Variants in MMP14 observed in about 807,000 individuals in gnomAD.
The protein encoded by MMP14 is matrix metalloproteinase-14.
In MMP14, 13 loss-of-function variants were observed where a neutral mutation model predicts 64.8. The observed-to-expected ratio is 0.20, with a 90% CI of 0.13 to 0.32. MMP14 has a LOEUF of 0.32. Ranked by LOEUF, MMP14 falls within the 10% of genes least tolerant of loss-of-function variation. The pLI, the probability that MMP14 is intolerant of heterozygous loss-of-function variation, is 1.00. For missense variants in MMP14, 594 were observed against 783.8 expected (o/e 0.76, Z 2.89); for synonymous variants, 322 against 315.9 (o/e 1.02, Z -0.20).
intron 2 of MMP14, 117 bp from the exon 3 acceptor site, chr14:22,841,796 T>C: frequency 1.3e-6 from 2 of 1,563,332 alleles, no homozygotes; most frequent in South Asian, 1.2e-5. Flanking sequence ...CCTGACCTCA[T>C]AACCTTGGCC....
In MMP14 at chr14:22,842,232, G is replaced by A. The variant is rs2138740420; in HGVS notation, c.381-178G>A. 1 of 996,898 alleles carries A rather than the reference G, an allele frequency of 1.0e-6. No homozygotes were observed. Among genetic ancestry groups the A allele is most frequent in the Non-Finnish European group, 1.5e-6 (1 of 683,406 alleles). 61.8% of individuals were successfully genotyped at this position (996,898 alleles called of 1,614,324 possible). On this transcript the variant is annotated intron_variant, in intron 3 of 9. Transcript: ENST00000311852. The surrounding 1 kb of genome is among the most constrained non-coding windows in gnomAD (Gnocchi z 5.3). ...GGTGCACCCCAGTGCCAGAGAGCCA[G>A]AGCCTGAGGATCCCTTGTTCTTGAG...
chr14:22,843,757 A>T lies in MMP14; in HGVS notation c.898A>T (p.Thr300Ser). 1 of 1,610,708 alleles carries T rather than the reference A, an allele frequency of 6.2e-7. No homozygotes were observed. Among genetic ancestry groups the T allele is most frequent in the Non-Finnish European group, 8.5e-7 (1 of 1,179,232 alleles). The change falls in exon 6 of 10, where the codon ACC (threonine) becomes TCC (serine). Residue 300 changes from threonine to serine, a missense_variant. Thr to Ser is a moderately conservative substitution (Grantham distance 58). This residue lies in a region of MMP14 where 364 missense variants were observed against 425.2 expected (regional missense o/e 0.86). Transcript: ENST00000311852. This position sits in a 1 kb window ranked among gnomAD's most constrained non-coding sequence, Gnocchi z 4.8. ...PTKMPPQPRT[T>S]SRPSVPDKPK... ...CAAGATGCCCCCTCAACCCAGGACT[A>T]CCTCCCGGCCTTCTGTTCCTGATAA...
intron 1 of MMP14, among the ~76,000 whole-genome samples, chr14:22,839,592 C>T (rs2039758685): frequency 6.6e-6 from 1 of 152,156 alleles, no homozygotes; most frequent in Non-Finnish European, 1.5e-5. Flanking sequence ...CTCGCATCAG[C>T]CTTGGGGGGG....
chr14:22,837,278 C>T, intron 1 of MMP14: 1 of 497,506 alleles, frequency 2.0e-6, no homozygotes, highest in Non-Finnish European at 3.9e-6. Context: ...CATTTGGACT[C>T]CGCTCAAACC....
At chr14:22,841,365 A>G in intron 1 of MMP14, 126 bp from the exon 2 acceptor site, 1 of 1,246,722 alleles carries the variant, frequency 8.0e-7, no homozygotes, top group Admixed American at 2.1e-5. Flanking sequence ...CTGCTGCCGG[A>G]GCCAAGCTGG....
chr14:22,837,387 C>T (rs756552302), intron 1 of MMP14: 1 of 456,186 alleles, frequency 2.2e-6, no homozygotes, highest in Admixed American at 2.3e-5. Context: ...CCGATGGGCG[C>T]TTCGGCCTCC....
Position 22,843,203 on chromosome 14 carries a change from G to A in MMP14, c.689-54G>A, listed in dbSNP as rs1253835272. Reference sequence around the variant, plus strand: ...ACCAAAGCTGCTGGTGGGGAAGCAGGGAGGCTGAGGGAAGGGACTCAGGCT... The same window carrying A: ...ACCAAAGCTGCTGGTGGGGAAGCAGAGAGGCTGAGGGAAGGGACTCAGGCT... On this transcript the variant is annotated intron_variant, in intron 4 of 9. Coordinates refer to ENST00000311852, the MANE Select transcript of MMP14 (RefSeq NM_004995.4). This position sits in a 1 kb window ranked among gnomAD's most constrained non-coding sequence, Gnocchi z 4.8. 7 of 1,561,396 alleles carry A rather than the reference G, an allele frequency of 4.5e-6. No homozygotes were observed. The highest frequency in any genetic ancestry group is 4.1e-5 in the African/African-American group (3 of 73,612).
At chr14:22,839,383 A>C (rs1436433361) in intron 1 of MMP14, among the ~76,000 whole-genome samples, 1 of 152,236 alleles carries the variant, frequency 6.6e-6, no homozygotes, top group Non-Finnish European at 1.5e-5. Flanking sequence ...AGGTCAGGGC[A>C]AGCCTGCAGC....
At position 22,836,931 on chromosome 14, in the gene MMP14, T is replaced by C. The variant is rs2039736524; in HGVS notation, c.108+6T>C. The stretch of plus-strand genomic sequence containing the variant: ...GCAGCAGCTTCAGCCCCGAAGTAAG[T>C]GAGCTTCCCGGCCCTTCCCGGAGTC... On this transcript the variant is annotated splice_donor_region_variant and intron_variant, in intron 1 of 9. Coordinates refer to ENST00000311852, the MANE Select transcript of MMP14 (RefSeq NM_004995.4). 6.2e-7 allele frequency: 1 copy of C among 1,611,138 alleles called. No homozygotes were observed.
At chr14:22,837,504 C>A in intron 1 of MMP14, 1 of 427,644 alleles carries the variant, frequency 2.3e-6, no homozygotes, top group Non-Finnish European at 4.7e-6. Context: ...GAGGACCCCG[C>A]TGTGTCCCTA....
chr14:22,842,758 A>G lies in MMP14; in HGVS notation c.688+41A>G. 1 of 1,552,238 alleles carries G rather than the reference A, an allele frequency of 6.4e-7. No homozygotes were observed. On this transcript the variant is annotated intron_variant, in intron 4 of 9. Coordinates refer to ENST00000311852, the MANE Select transcript of MMP14 (RefSeq NM_004995.4). The surrounding 1 kb of genome is among the most constrained non-coding windows in gnomAD (Gnocchi z 5.3). ...CTGGGACTTACTCTGGAAAAAGCCA[A>G]CAGTCATTTGTAGGGGTGGTTCCCC... is the stretch of plus-strand genomic sequence containing the variant.
intron 9 of MMP14, 109 bp from the exon 10 acceptor site, chr14:22,845,599 G>A (rs2039806743): frequency 3.4e-6 from 4 of 1,174,898 alleles, no homozygotes; most frequent in Admixed American, 1.8e-5. Context: ...TGCTCACGAA[G>A]GTGGAGGGAA....
In MMP14 at chr14:22,842,354, G is replaced by A. The variant is rs983406339; in HGVS notation, c.381-56G>A. 4 of 1,556,066 alleles carry A rather than the reference G, an allele frequency of 2.6e-6. No individual in the cohort carries two copies. The African/African-American group carries it at 4.1e-5, about 16-fold the overall frequency. ...CTGGGAGAGTGCAGGGAAGGAGAAT[G>A]TTGCCCCTCTTTATCCTAACACACC... is the stretch of plus-strand genomic sequence containing the variant. On this transcript the variant is annotated intron_variant, in intron 3 of 9. Coordinates refer to ENST00000311852, the MANE Select transcript of MMP14 (RefSeq NM_004995.4). This position sits in a 1 kb window ranked among gnomAD's most constrained non-coding sequence, Gnocchi z 5.3.
At chr14:22,845,391 G>GC (rs751711008) in intron 9 of MMP14, 25 bp downstream of exon 9, 1 of 1,516,746 alleles carries the variant, frequency 6.6e-7, no homozygotes, top group Non-Finnish European at 9.1e-7. Context: ...GGAAGGTGTC[G>GC]CTGAGAGAAG....
chr14:22,839,798 C>G (rs1369027075), intron 1 of MMP14, among the ~76,000 whole-genome samples: 3 of 151,966 alleles, frequency 2.0e-5, no homozygotes, highest in Non-Finnish European at 4.4e-5. Flanking sequence ...CAGCAGCCTC[C>G]CCCATCTCCC....
intron 9 of MMP14, 126 bp from the exon 10 acceptor site, chr14:22,845,582 A>G: frequency 9.5e-7 from 1 of 1,053,192 alleles, no homozygotes; most frequent in Admixed American, 1.9e-5. Flanking sequence ...ACAGCTGAGG[A>G]AGCTGATGCT....
intron 1 of MMP14, among the ~76,000 whole-genome samples, chr14:22,837,618 C>A (rs1010983405): frequency 6.6e-6 from 1 of 152,250 alleles, no homozygotes; most frequent in African/African-American, 2.4e-5. Context: ...GTCGCTGCCT[C>A]CCCCTATCCC....
At position 22,843,089 on chromosome 14, in the gene MMP14, GGCTTTGT is replaced by G. The variant is rs2039784987; in HGVS notation, c.689-163_689-157del. Reference sequence around the variant, plus strand: ...CTCCACCCAGAGGAGCTTGCTGACTGGCTTTGTGCTTAAATACCAGATAAAAAGCTAG... The same window carrying G: ...CTCCACCCAGAGGAGCTTGCTGACTGGCTTAAATACCAGATAAAAAGCTAG... On this transcript the variant is annotated intron_variant, in intron 4 of 9. Coordinates refer to ENST00000311852, the MANE Select transcript of MMP14 (RefSeq NM_004995.4). This position sits in a 1 kb window ranked among gnomAD's most constrained non-coding sequence, Gnocchi z 4.8. Among the ~76,000 whole-genome samples, 1 of 152,188 alleles carries G rather than the reference GGCTTTGT, an allele frequency of 6.6e-6. No individual in the cohort carries two copies. Among genetic ancestry groups the G allele is most frequent in the African/African-American group, 2.4e-5 (1 of 41,446 alleles).
chr14:22,836,638 GAA>G lies in MMP14; in HGVS notation c.-179_-178del. 1 of 500,980 alleles carries G rather than the reference GAA, an allele frequency of 2.0e-6. No individual in the cohort carries two copies. The allele number at this position is 500,980 out of a possible 1,614,324, so 31.0% of individuals were successfully genotyped here. Reference sequence around the variant, plus strand: ...AAAGATCAAAAACCGGAAAAGAGGAGAAGAGCAAACAGGCACTTTGAGGAACA... The same window carrying G: ...AAAGATCAAAAACCGGAAAAGAGGAGGAGCAAACAGGCACTTTGAGGAACA... On this transcript the variant is annotated 5_prime_UTR_variant, in exon 1 of 10. Transcript: ENST00000311852.
Sources: gnomAD v4.1 joint callset for allele counts (sites outside exome capture counted in the v4.1 genomes callset) on GRCh38, gnomAD v4.1.1 for gene constraint, gnomAD v4.1.1 regional missense constraint, Gnocchi (gnomAD v3.1) non-coding constraint, MANE v1.5 for transcripts, NCBI Gene and HGNC (gene_info 2026-07-23, HGNC 2026-07-21) for gene names.